Variants in SOX5 observed in about 807,000 individuals in gnomAD.
The protein encoded by SOX5 is transcription factor SOX-5.
Under a neutral mutation model 92.0 loss-of-function variants are expected in SOX5, and 9 were observed. The ratio of observed to expected loss-of-function variants is 0.10; its 90% CI spans 0.06 to 0.17. SOX5 has a LOEUF of 0.17. Ranked by LOEUF, SOX5 falls within the 10% of genes least tolerant of loss-of-function variation. The pLI is 1.00. For missense variants in SOX5, 642 were observed against 944.5 expected, an observed-to-expected ratio of 0.68 and a Z score of 4.20; for synonymous variants, 344 against 336.3, an observed-to-expected ratio of 1.02 and a Z score of -0.25.
intron 1 of SOX5, among the ~76,000 whole-genome samples, chr12:23,924,000 T>C (rs1939224482): frequency 6.6e-6 from 1 of 152,218 alleles, no homozygotes; most frequent in Admixed American, 6.5e-5. Flanking sequence ...GTGATGCTTA[T>C]ATAAACCTTT....
At chr12:23,841,375 C>G (rs1043483519) in intron 3 of SOX5, among the ~76,000 whole-genome samples, 1 of 152,026 alleles carries the variant, frequency 6.6e-6, no homozygotes, top group Non-Finnish European at 1.5e-5. Flanking sequence ...AATCTGATAG[C>G]CACTTTGGAA....
At chr12:24,239,591 T>A (rs947263412) in intron 3 of SOX5, among the ~76,000 whole-genome samples, 8 of 152,212 alleles carry the variant, frequency 5.3e-5, no homozygotes, top group Non-Finnish European at 1.0e-4. Flanking sequence ...GATTAGCAGC[T>A]GTACAGCCTA....
intron 4 of SOX5, among the ~76,000 whole-genome samples, chr12:24,201,467 C>T (rs929627645): frequency 1.3e-5 from 2 of 152,158 alleles, no homozygotes; most frequent in African/African-American, 4.8e-5. Context: ...AGTGCAAGTC[C>T]ATTCTCTACT....
intron 3 of SOX5, among the ~76,000 whole-genome samples, chr12:23,763,599 T>C (rs537747417): frequency 6.6e-6 from 1 of 152,226 alleles, no homozygotes; most frequent in East Asian, 1.9e-4. Context: ...ATTAAGTTAA[T>C]GTATAAAACG....
intron 1 of SOX5, among the ~76,000 whole-genome samples, chr12:24,369,868 G>A (rs901178696): frequency 6.6e-6 from 1 of 152,122 alleles, no homozygotes; most frequent in Non-Finnish European, 1.5e-5. Flanking sequence ...AAAAAGCTTC[G>A]AAAGCTAGCT....
chr12:23,638,673 A>C (rs1193646903), intron 8 of SOX5, among the ~76,000 whole-genome samples: 4 of 152,092 alleles, frequency 2.6e-5, no homozygotes, highest in Admixed American at 2.0e-4. Context: ...AGGCAAAGGG[A>C]GGGAGAGTAA....
Position 23,740,918 on chromosome 12 carries a change from C to T in SOX5, c.690G>A (p.Gln230=). 6.2e-7 allele frequency: 1 copy of T among 1,613,348 alleles called. No homozygotes were observed. The highest frequency in any genetic ancestry group is 8.5e-7 in the Non-Finnish European group (1 of 1,179,454). ...CCATTTGCTGACGCTGTTTCTCAAT[C>T]TGAGAGGCAGCTAGTTTCTTCTGCT... ...HDEQKKLAAS[Q]IEKQRQQMEL... Residue 230 remains glutamine, a synonymous_variant, in exon 5 of 15, where the codon CAG becomes CAA. Transcript: ENST00000451604.
chr12:24,428,783 G>C (rs1967067997), intron 1 of SOX5, among the ~76,000 whole-genome samples: 1 of 132,002 alleles, frequency 7.6e-6, no homozygotes, highest in Admixed American at 8.3e-5. Flanking sequence ...TCATGTTATA[G>C]GTCTTATAAG....
At chr12:24,330,505 G>A (rs887443147) in intron 2 of SOX5, among the ~76,000 whole-genome samples, 14 of 152,162 alleles carry the variant, frequency 9.2e-5, no homozygotes, top group African/African-American at 3.4e-4. Context: ...TCTCTTTTGG[G>A]TCAAATCCTG....
chr12:23,682,661 G>A (rs2086811087), intron 6 of SOX5, among the ~76,000 whole-genome samples: 1 of 151,680 alleles, frequency 6.6e-6, no homozygotes, highest in South Asian at 2.1e-4. Context: ...CACACACAAA[G>A]CTTTTAAATT....
At chr12:24,172,128 G>A (rs1954270761) in intron 4 of SOX5, among the ~76,000 whole-genome samples, 1 of 151,898 alleles carries the variant, frequency 6.6e-6, no homozygotes, top group African/African-American at 2.4e-5. Context: ...CTGTAAGCAG[G>A]CTTGGGGATT....
At chr12:24,401,408 G>A (rs1369849863) in intron 1 of SOX5, among the ~76,000 whole-genome samples, 1 of 150,340 alleles carries the variant, frequency 6.7e-6, no homozygotes, top group African/African-American at 2.4e-5. Flanking sequence ...TTTGAACTAT[G>A]TCCATTAAAA....
intron 6 of SOX5, among the ~76,000 whole-genome samples, chr12:23,667,821 A>T (rs1382822): frequency 0.97 from 147,040 of 152,286 alleles, 71,185 homozygotes; most frequent in East Asian, 1. Context: ...CTATTAATAA[A>T]AAGAATACAG....
At position 24,223,883 on chromosome 12, in the gene SOX5, G is replaced by C. The variant is rs1199493434; in HGVS notation, c.-76-10466C>G. ...TTCAGACTGACTCGACCTATTGTTA[G>C]AGATGCTTTTTCTGTGACACTAGTG... On this transcript the variant is annotated intron_variant, in intron 3 of 4. Coordinates refer to the SOX5 transcript ENST00000446891. Among the ~76,000 whole-genome samples the C allele has an allele frequency of 2.0e-5, 3 of 152,218 alleles. No homozygotes were observed. The South Asian group carries it at 6.2e-4, about 31-fold the overall frequency.
At chr12:24,137,495 G>A (rs1950210233) in intron 4 of SOX5, among the ~76,000 whole-genome samples, 1 of 152,092 alleles carries the variant, frequency 6.6e-6, no homozygotes, top group Non-Finnish European at 1.5e-5. Context: ...AGCCGGGCAT[G>A]GTGGCGCGCA....
At chr12:24,385,562 C>T (rs886159370) in intron 1 of SOX5, among the ~76,000 whole-genome samples, 1 of 151,328 alleles carries the variant, frequency 6.6e-6, no homozygotes, top group Admixed American at 6.6e-5. Context: ...ATGTGTGTCT[C>T]ACACCTTTCC....
intron 2 of SOX5, among the ~76,000 whole-genome samples, chr12:23,857,846 C>T (rs1346842187): frequency 1.3e-5 from 2 of 151,966 alleles, no homozygotes; most frequent in African/African-American, 4.8e-5. Flanking sequence ...GATTCTCCTG[C>T]CTCAGCCTCC....
rs147918620 is a variant in SOX5 at position 24,279,938 on chromosome 12, T to C, written c.-173-2626A>G. On this transcript the variant is annotated intron_variant, in intron 2 of 4. Coordinates refer to the SOX5 transcript ENST00000446891. ...TTGTCTCAACTTCTAGAACATACTA[T>C]ATAACACAGGCAGGGAGTTGAGAAA... 2.0e-5 allele frequency among the ~76,000 whole-genome samples: 3 copies of C among 152,110 alleles called. No homozygotes were observed. In the East Asian group the frequency reaches 5.8e-4, roughly 29 times the overall value.
chr12:23,999,681 G>T (rs980370592), intron 4 of SOX5, among the ~76,000 whole-genome samples: 3 of 151,570 alleles, frequency 2.0e-5, no homozygotes, highest in African/African-American at 7.3e-5. Context: ...CTTTAAAAAA[G>T]ACAATTACAT....
Sources: allele counts gnomAD v4.1 joint callset (sites outside exome capture counted in the v4.1 genomes callset), GRCh38; gene constraint gnomAD v4.1.1; transcripts MANE v1.5; gene names NCBI Gene and HGNC (gene_info 2026-07-23, HGNC 2026-07-21).